CNBD1: variants seen among roughly 807,000 people sequenced by gnomAD.
The protein encoded by CNBD1 is cyclic nucleotide binding domain containing 1.
Under a neutral mutation model 54.4 loss-of-function variants are expected in CNBD1, and 71 were observed. The ratio of observed to expected loss-of-function variants is 1.30; its 90% CI spans 1.08 to 1.59. CNBD1 has a LOEUF of 1.59. Among genes scored for constraint, CNBD1 ranks in the 40% most tolerant of loss-of-function variants. CNBD1 has a pLI of 0.00. For synonymous variants in CNBD1, 182 were observed against 170.7 expected (o/e 1.07, Z -0.51); for missense variants, 659 against 518.0 (o/e 1.27, Z -2.64).
At chr8:87,158,089 C>T (rs546458464) in intron 4 of CNBD1, among the ~76,000 whole-genome samples, 1 of 152,078 alleles carries the variant, frequency 6.6e-6, no homozygotes, top group South Asian at 2.1e-4. Flanking sequence ...TTATTGTGTA[C>T]AAAGTGCATA....
chr8:87,335,090 C>G (rs151089651), intron 8 of CNBD1, among the ~76,000 whole-genome samples: 5 of 152,100 alleles, frequency 3.3e-5, no homozygotes, highest in Admixed American at 1.3e-4. Flanking sequence ...GATTTCAGTT[C>G]TTTTGCATTT....
At chr8:87,232,726 A>G (rs1006689607) in intron 5 of CNBD1, among the ~76,000 whole-genome samples, 1 of 152,164 alleles carries the variant, frequency 6.6e-6, no homozygotes, top group Non-Finnish European at 1.5e-5. Flanking sequence ...TTTACATTAA[A>G]ATGCAAATAT....
At chr8:86,921,962 C>T (rs2131825385) in intron 3 of CNBD1, among the ~76,000 whole-genome samples, 1 of 152,118 alleles carries the variant, frequency 6.6e-6, no homozygotes, top group South Asian at 2.1e-4. Flanking sequence ...CAGAGGAAGA[C>T]TTCAGGGCAG....
At chr8:86,881,369 C>T (rs2131779093) in intron 1 of CNBD1, among the ~76,000 whole-genome samples, 1 of 152,152 alleles carries the variant, frequency 6.6e-6, no homozygotes, top group Non-Finnish European at 1.5e-5. Context: ...TCCTATACGC[C>T]AACAACAGGC....
chr8:87,382,212 T>C (rs1023227841), intron 10 of CNBD1, among the ~76,000 whole-genome samples: 2 of 151,940 alleles, frequency 1.3e-5, no homozygotes, highest in Middle Eastern at 3.2e-3. Context: ...TGGCATTTCC[T>C]ATGGAATTCT....
chr8:86,883,194 A>G (rs922772872), intron 1 of CNBD1, among the ~76,000 whole-genome samples: 6 of 151,740 alleles, frequency 4.0e-5, no homozygotes, highest in African/African-American at 1.5e-4. Context: ...AAAAAAAAAA[A>G]TAGATTGGTG....
Position 87,235,140 on chromosome 8 carries a change from T to C in CNBD1, c.578-1779T>C, listed in dbSNP as rs1296416814. Among the ~76,000 whole-genome samples, 8 of 152,316 alleles carry C rather than the reference T, an allele frequency of 5.3e-5. No homozygotes were observed. The South Asian group carries it at 1.7e-3, about 32-fold the overall frequency. The stretch of plus-strand genomic sequence containing the variant: ...GAAATTGAACAGAAATAGGGCCTTG[T>C]TCTGGATTAGGTTTCATTTAAGAGA... On this transcript the variant is annotated intron_variant, in intron 5 of 10. Transcript: ENST00000518476.
rs1340288084 is a variant in CNBD1, at chr8:87,014,251, G to T, written c.431+74497G>T. On this transcript the variant is annotated intron_variant, in intron 4 of 10. Transcript: ENST00000518476. ...TTAAAATTATCAGTAAATAATATCA[G>T]CAATGTCTTTAGAATTGTTAGCAGT... Among the ~76,000 whole-genome samples, 12 of 142,236 alleles carry T rather than the reference G, an allele frequency of 8.4e-5. No homozygotes were observed. In the Admixed American group the frequency reaches 8.8e-4, roughly 10 times the overall value. The allele number at this position is 142,236 out of a possible 152,430, so 93.3% of individuals were successfully genotyped here. A position where few individuals can be genotyped will look rare whatever the true frequency, so the allele number is the denominator to read the frequency against.
At chr8:87,301,082 T>C (rs1808978575) in intron 8 of CNBD1, among the ~76,000 whole-genome samples, 1 of 152,094 alleles carries the variant, frequency 6.6e-6, no homozygotes, top group African/African-American at 2.4e-5. Context: ...TTTACATACA[T>C]AAACTAGAAG....
chr8:87,262,480 C>G (rs1341695533), intron 6 of CNBD1, among the ~76,000 whole-genome samples: 1 of 152,088 alleles, frequency 6.6e-6, no homozygotes, highest in African/African-American at 2.4e-5. Flanking sequence ...AAGAAGATCA[C>G]CTTCACCAAT....
chr8:87,071,999 T>C (rs967899980), intron 4 of CNBD1, among the ~76,000 whole-genome samples: 1 of 152,158 alleles, frequency 6.6e-6, no homozygotes, highest in African/African-American at 2.4e-5. Flanking sequence ...TGCTCCTGTG[T>C]TGGGGGCATA....
At chr8:87,186,574 C>T (rs1250698998) in intron 4 of CNBD1, among the ~76,000 whole-genome samples, 4 of 152,088 alleles carry the variant, frequency 2.6e-5, no homozygotes, top group Non-Finnish European at 5.9e-5. Flanking sequence ...GTTGTATACA[C>T]TGCTGGGAGA....
At chr8:87,338,809 T>G (rs1263675821) in intron 8 of CNBD1, among the ~76,000 whole-genome samples, 2 of 152,174 alleles carry the variant, frequency 1.3e-5, no homozygotes, top group South Asian at 4.1e-4. Flanking sequence ...TAATTTTTCT[T>G]TGTAGCCTGA....
At chr8:87,028,850 A>G (rs1328754355) in intron 4 of CNBD1, among the ~76,000 whole-genome samples, 2 of 152,310 alleles carry the variant, frequency 1.3e-5, no homozygotes, top group East Asian at 3.9e-4. Context: ...ATCTACAAAA[A>G]CTGTTTATAT....
intron 8 of CNBD1, among the ~76,000 whole-genome samples, chr8:87,293,842 G>GA (rs1471391968): frequency 4.6e-5 from 7 of 152,108 alleles, no homozygotes; most frequent in African/African-American, 1.4e-4. Context: ...TGTGAGGCAG[G>GA]AAAAATAGCA....
chr8:87,384,850 CTGA>C (rs1315170353), downstream of CNBD1, among the ~76,000 whole-genome samples: 1 of 151,902 alleles, frequency 6.6e-6, no homozygotes, highest in East Asian at 1.9e-4. Context: ...CATGGGATGA[CTGA>C]TGATAAGTTA....
At chr8:87,399,982 GA>G in intron 2 of CNBD1, among the ~76,000 whole-genome samples, 1 of 151,960 alleles carries the variant, frequency 6.6e-6, no homozygotes, top group Non-Finnish European at 1.5e-5. Context: ...AAGACCACTG[GA>G]AAGGGAAACA....
chr8:87,211,966 GTAACT>G (rs1814108773), intron 5 of CNBD1, among the ~76,000 whole-genome samples: 2 of 152,096 alleles, frequency 1.3e-5, no homozygotes, highest in South Asian at 4.1e-4. Context: ...TATTAAATTG[GTAACT>G]TAATATTCTC....
At chr8:87,380,957 T>A (rs13278256) in intron 10 of CNBD1, among the ~76,000 whole-genome samples, 2 of 151,836 alleles carry the variant, frequency 1.3e-5, no homozygotes, top group Non-Finnish European at 2.9e-5. Context: ...GAATACGTAG[T>A]TAAAAATATT....
Sources: allele counts gnomAD v4.1 joint callset (sites outside exome capture counted in the v4.1 genomes callset), GRCh38; gene constraint gnomAD v4.1.1; transcripts MANE v1.5; gene names NCBI Gene and HGNC (gene_info 2026-07-23, HGNC 2026-07-21).